The following ERICH1 variants were observed in gnomAD, a reference collection of about 807,000 sequenced individuals.
ERICH1 encodes glutamate-rich protein 1.
A neutral mutation model predicts 39.6 loss-of-function variants in ERICH1; 56 were observed. The ratio of observed to expected loss-of-function variants is 1.41; its 90% CI spans 1.14 to 1.77. The LOEUF (loss-of-function observed/expected upper bound fraction) is 1.77. Ranked by LOEUF, ERICH1 falls within the 40% of genes most tolerant of loss-of-function variation. ERICH1 has a pLI of 0.00. For synonymous variants in ERICH1, 313 were observed against 223.6 expected, an observed-to-expected ratio of 1.40 and a Z score of -3.57; for missense variants, 826 against 575.4, an observed-to-expected ratio of 1.44 and a Z score of -4.45.
At position 715,944 on chromosome 8, in the gene ERICH1, T is replaced by C; in HGVS notation, c.86A>G (p.Glu29Gly). 1 of 1,613,900 alleles carries C rather than the reference T, an allele frequency of 6.2e-7. No homozygotes were observed. The highest frequency in any genetic ancestry group is 8.5e-7 in the Non-Finnish European group (1 of 1,179,894). The change falls in exon 2 of 6, where the codon GAA becomes GGA. Residue 29 changes from glutamate (E) to glycine (G), a missense_variant. Coordinates refer to ENST00000262109, the MANE Select transcript of ERICH1 (RefSeq NM_207332.3). ...ATTTTGGACGGCCAGCGTCTGGGGTTCCCTCTTTCCTTGGCCACTTGGAAC... is the reference window on the plus strand; with the variant it reads ...ATTTTGGACGGCCAGCGTCTGGGGTCCCCTCTTTCCTTGGCCACTTGGAAC... ...PPVPSGQGKR[E>G]PQTLAVQNPP...
At chr8:690,800 G>A (rs966081732) in intron 3 of ERICH1, 5 of 152,330 alleles carry the variant, frequency 3.3e-5, no homozygotes, top group Non-Finnish European at 7.3e-5. Flanking sequence ...TTGACGTGTG[G>A]GCCCCACGTG....
chr8:727,023 C>G (rs746298079), intron 1 of ERICH1, among the ~76,000 whole-genome samples: 2 of 151,478 alleles, frequency 1.3e-5, no homozygotes, highest in Non-Finnish European at 2.9e-5. Flanking sequence ...CACATGCATG[C>G]ACACACATAC....
At position 622,405 on chromosome 8, in the gene ERICH1, C is replaced by T. The variant is rs115246680; in HGVS notation, c.977-7121G>A. Among the ~76,000 whole-genome samples, 869 of 152,124 alleles carry T rather than the reference C, an allele frequency of 5.7e-3. 7 individuals are homozygous for T. Among genetic ancestry groups the T allele is most frequent in the African/African-American group, 0.02 (809 of 41,464 alleles). Reference sequence around the variant, plus strand: ...AGGATTAATGCTTTTATAAAAGAGGCCCCCAAGAACTGCCTTCCCTTCTGC... The same window carrying T: ...AGGATTAATGCTTTTATAAAAGAGGTCCCCAAGAACTGCCTTCCCTTCTGC... On this transcript the variant is annotated intron_variant, in intron 3 of 3. Coordinates refer to the ERICH1 transcript ENST00000522706.
At chr8:632,826 T>G (rs140432889) in intron 3 of ERICH1, among the ~76,000 whole-genome samples, 198 of 152,274 alleles carry the variant, frequency 1.3e-3, no homozygotes, top group African/African-American at 4.0e-3. Flanking sequence ...GTGGAGTCAT[T>G]TCTGGTTTCA....
intron 1 of ERICH1, among the ~76,000 whole-genome samples, chr8:717,425 G>C (rs897360759): frequency 1.1e-4 from 16 of 152,318 alleles, no homozygotes; most frequent in African/African-American, 3.8e-4. Flanking sequence ...GCAACAGGTG[G>C]TCTGTGAAAT....
rs557003495 is a variant in ERICH1, at chr8:620,829, G to C, written c.977-5545C>G. On this transcript the variant is annotated intron_variant, in intron 3 of 3. Transcript: ENST00000522706. ...GGGAGAAGTAGACAATTTAACAATG[G>C]TTTTTACAGACTTCAATACCCCACT... Among the ~76,000 whole-genome samples the C allele has an allele frequency of 2.0e-5, 3 of 152,204 alleles. No individual in the cohort carries two copies. The East Asian group carries it at 5.8e-4, about 29-fold the overall frequency.
At chr8:711,367 A>T (rs1814686991) in intron 2 of ERICH1, among the ~76,000 whole-genome samples, 1 of 152,068 alleles carries the variant, frequency 6.6e-6, no homozygotes, top group South Asian at 2.1e-4. Context: ...TCTACTTATC[A>T]ATTCTTTCTT....
At chr8:679,526 G>A (rs1200303422) in intron 3 of ERICH1, among the ~76,000 whole-genome samples, 1 of 151,816 alleles carries the variant, frequency 6.6e-6, no homozygotes, top group Non-Finnish European at 1.5e-5. Flanking sequence ...ATTGCAAGAA[G>A]GGAGGGCCAC....
intron 3 of ERICH1, among the ~76,000 whole-genome samples, chr8:677,271 C>T (rs1004483722): frequency 4.6e-5 from 7 of 152,156 alleles, no homozygotes; most frequent in Admixed American, 2.0e-4. Context: ...GATGTAGACA[C>T]CCCCCAGCTC....
chr8:628,846 C>G (rs62486188), intron 3 of ERICH1, among the ~76,000 whole-genome samples: 2 of 152,152 alleles, frequency 1.3e-5, no homozygotes, highest in Non-Finnish European at 2.9e-5. Context: ...GGCAAACAAG[C>G]CCCCTCTCCC....
intron 3 of ERICH1, among the ~76,000 whole-genome samples, chr8:620,243 C>T (rs11989558): frequency 0.012 from 1,847 of 152,174 alleles, 38 homozygotes; most frequent in African/African-American, 0.042. Flanking sequence ...ATCCAGGAGG[C>T]GGAGGTTGTA....
chr8:683,490 T>TA (rs961487408), intron 3 of ERICH1, among the ~76,000 whole-genome samples: 2 of 152,080 alleles, frequency 1.3e-5, no homozygotes, highest in Admixed American at 6.5e-5. Context: ...CCTGTCACTT[T>TA]AAAAAAATGG....
chr8:631,249 C>A (rs1798020367), intron 3 of ERICH1, among the ~76,000 whole-genome samples: 1 of 152,230 alleles, frequency 6.6e-6, no homozygotes, highest in Non-Finnish European at 1.5e-5. Context: ...GTGCTGCCCA[C>A]ACACTGGTGG....
intron 4 of ERICH1, among the ~76,000 whole-genome samples, chr8:669,650 C>A (rs141057025): frequency 6.6e-6 from 1 of 152,250 alleles, no homozygotes. Context: ...GTCCAACACA[C>A]GACTCAGGGC....
chr8:643,427 G>A (rs1473773012), intron 3 of ERICH1, among the ~76,000 whole-genome samples: 1 of 152,156 alleles, frequency 6.6e-6, no homozygotes, highest in African/African-American at 2.4e-5. Flanking sequence ...CGGCTCTCAT[G>A]GGATGCTCCA....
At chr8:721,592 C>A (rs1043857452) in intron 1 of ERICH1, among the ~76,000 whole-genome samples, 1 of 152,252 alleles carries the variant, frequency 6.6e-6, no homozygotes, top group African/African-American at 2.4e-5. Context: ...AACCACACTG[C>A]ATGGCACTGA....
intron 4 of ERICH1, chr8:671,934 T>C (rs1230788303): frequency 6.2e-6 from 1 of 160,296 alleles, no homozygotes; most frequent in Non-Finnish European, 1.4e-5. Flanking sequence ...GGCTCTGCTT[T>C]TGGTTTCTCA....
At chr8:727,145 GCA>G (rs756062476) in intron 1 of ERICH1, among the ~76,000 whole-genome samples, 2 of 151,876 alleles carry the variant, frequency 1.3e-5, no homozygotes, top group Non-Finnish European at 2.9e-5. Context: ...CTGCACAGAT[GCA>G]CACAGACATG....
intron 4 of ERICH1, chr8:669,110 C>T (rs1802769861): frequency 3.7e-6 from 1 of 268,094 alleles, no homozygotes; most frequent in Non-Finnish European, 6.8e-6. Flanking sequence ...CCTCCCCTGG[C>T]CCGTCTACAC....
Sources: allele counts gnomAD v4.1 joint callset (sites outside exome capture counted in the v4.1 genomes callset), GRCh38; gene constraint gnomAD v4.1.1; transcripts MANE v1.5; gene names NCBI Gene and HGNC (gene_info 2026-07-23, HGNC 2026-07-21).